The following SCAF11 variants were observed in gnomAD, a reference collection of about 807,000 sequenced individuals.
SCAF11 encodes protein SCAF11.
A neutral mutation model predicts 140.5 loss-of-function variants in SCAF11; 47 were observed. That is an observed-to-expected ratio of 0.33 (90% CI 0.26 to 0.43). The LOEUF (loss-of-function observed/expected upper bound fraction) is 0.43. Ranked by LOEUF, SCAF11 falls within the 20% of genes least tolerant of loss-of-function variation. SCAF11 has a pLI of 1.00. For missense variants in SCAF11, 1,645 were observed against 1,705.1 expected (o/e 0.96, Z 0.62); for synonymous variants, 557 against 579.4 (o/e 0.96, Z 0.55).
chr12:45,935,969 G>A (rs1945164491), intron 6 of SCAF11, among the ~76,000 whole-genome samples: 1 of 152,030 alleles, frequency 6.6e-6, no homozygotes. Context: ...TCAAAGTAAT[G>A]CATGTACATA....
At chr12:45,966,414 A>T (rs1197500618) in intron 1 of SCAF11, among the ~76,000 whole-genome samples, 1 of 151,946 alleles carries the variant, frequency 6.6e-6, no homozygotes, top group Non-Finnish European at 1.5e-5. Flanking sequence ...TGAACAAGGC[A>T]GAAATCTCTA....
upstream of SCAF11, among the ~76,000 whole-genome samples, chr12:45,990,970 C>T (rs193264249): frequency 6.6e-6 from 1 of 152,206 alleles, no homozygotes; most frequent in Non-Finnish European, 1.5e-5. Flanking sequence ...CAGGCTGCGT[C>T]GCGGAGGACA....
At chr12:45,962,760 CA>C (rs1454269736) in intron 2 of SCAF11, among the ~76,000 whole-genome samples, 1 of 152,152 alleles carries the variant, frequency 6.6e-6, no homozygotes, top group Non-Finnish European at 1.5e-5. Flanking sequence ...TGATAGACTC[CA>C]GTATCAAGCC....
intron 1 of SCAF11, among the ~76,000 whole-genome samples, chr12:45,984,666 GTT>G (rs1946421741): frequency 6.8e-6 from 1 of 146,112 alleles, no homozygotes; most frequent in Non-Finnish European, 1.5e-5. Context: ...GATAGTTTCT[GTT>G]TTCTTTTGAC....
intron 6 of SCAF11, among the ~76,000 whole-genome samples, chr12:45,935,484 A>G (rs969135653): frequency 3.3e-5 from 5 of 152,188 alleles, no homozygotes; most frequent in African/African-American, 1.2e-4. Flanking sequence ...TTAAGAGGCA[A>G]GAAGTAAAAA....
chr12:45,972,585 TA>T (rs76785973), intron 1 of SCAF11, among the ~76,000 whole-genome samples: 29,088 of 107,620 alleles, frequency 0.27, 3,335 homozygotes, highest in Non-Finnish European at 0.29. Flanking sequence ...CCCTGTCTCT[TA>T]AAAAAAAAAA....
At chr12:45,956,139 G>C (rs1469058487) in intron 3 of SCAF11, 2 of 716,524 alleles carry the variant, frequency 2.8e-6, no homozygotes, top group Admixed American at 4.0e-5. Flanking sequence ...CTAATTTCTC[G>C]CTTCCTCCTG....
intron 4 of SCAF11, among the ~76,000 whole-genome samples, chr12:45,950,520 C>A (rs1335266172): frequency 6.6e-6 from 1 of 152,130 alleles, no homozygotes; most frequent in Non-Finnish European, 1.5e-5. Context: ...ACTAATGAAT[C>A]TTTTGCAATG....
Position 45,919,739 on chromosome 12 carries a change from A to G in SCAF11, c.*2309T>C, listed in dbSNP as rs1351602245. ...ACCAGTGCCCCAAATCAGACATGGAACACACACTTGTTACTGTCACGGAAA... is the reference window on the plus strand; with the variant it reads ...ACCAGTGCCCCAAATCAGACATGGAGCACACACTTGTTACTGTCACGGAAA... On this transcript the variant is annotated 3_prime_UTR_variant, in exon 15 of 15. Transcript: ENST00000369367. 6.6e-6 allele frequency: 1 copy of G among 152,250 alleles called. No homozygotes were observed. Among genetic ancestry groups the G allele is most frequent in the Non-Finnish European group, 1.5e-5 (1 of 68,050 alleles). 9.4% of individuals were successfully genotyped at this position (152,250 alleles called of 1,614,324 possible).
At position 45,967,113 on chromosome 12, in the gene SCAF11, T is replaced by G. The variant is rs186691943; in HGVS notation, c.-21-2925A>C. Among the ~76,000 whole-genome samples, 409 of 152,220 alleles carry G rather than the reference T, an allele frequency of 2.7e-3. 3 individuals are homozygous for G. Among genetic ancestry groups the G allele is most frequent in the African/African-American group, 8.0e-3 (332 of 41,540 alleles). Reference sequence around the variant, plus strand: ...TTATAATTTATATTTTAAAGTGGGGTGCATTGGTATATGCCTATAATCCTA... The same window carrying G: ...TTATAATTTATATTTTAAAGTGGGGGGCATTGGTATATGCCTATAATCCTA... On this transcript the variant is annotated intron_variant, in intron 1 of 14. Transcript: ENST00000369367.
chr12:45,950,713 T>C (rs1361201789), intron 4 of SCAF11, among the ~76,000 whole-genome samples: 1 of 152,206 alleles, frequency 6.6e-6, no homozygotes, highest in Non-Finnish European at 1.5e-5. Context: ...GTCCTGTTTG[T>C]ACCTTGCATC....
At chr12:45,990,075 C>A (rs890420012) in intron 1 of SCAF11, among the ~76,000 whole-genome samples, 15 of 151,570 alleles carry the variant, frequency 9.9e-5, no homozygotes, top group Non-Finnish European at 1.8e-4. Context: ...GGACAGAGTG[C>A]GACAGAGAGG....
At chr12:45,969,871 G>C (rs1040636422) in intron 1 of SCAF11, among the ~76,000 whole-genome samples, 4 of 151,998 alleles carry the variant, frequency 2.6e-5, no homozygotes, top group African/African-American at 9.7e-5. Context: ...CAAGTAGCTA[G>C]GACTGCAGGT....
rs762647591 is a variant in SCAF11, at chr12:45,928,295, C to G, written c.1406G>C (p.Arg469Thr). Residue 469 changes from arginine to threonine, a missense_variant, in exon 11 of 15, where the codon AGA (arginine) becomes ACA (threonine). Arg to Thr is a moderately conservative substitution (Grantham distance 71). This residue lies in a region of SCAF11 where 1,582 missense variants were observed against 1,609.2 expected (regional missense o/e 0.98). Transcript: ENST00000369367. Reference sequence around the variant, plus strand: ...AGACTCAGAAGATGAAGATCCTACTCTTTCCTCTGTATCATAATTTGCAGT... The same window carrying G: ...AGACTCAGAAGATGAAGATCCTACTGTTTCCTCTGTATCATAATTTGCAGT... ...KHTANYDTEE[R>T]VGSSSSESCA... 3.5e-5 allele frequency: 57 copies of G among 1,614,012 alleles called. No individual in the cohort carries two copies. Among genetic ancestry groups the G allele is most frequent in the Non-Finnish European group, 4.5e-5 (53 of 1,179,994 alleles).
intron 1 of SCAF11, among the ~76,000 whole-genome samples, chr12:45,973,027 TAG>T (rs1946149096): frequency 8.3e-5 from 12 of 144,738 alleles, no homozygotes; most frequent in Admixed American, 6.2e-4. Flanking sequence ...TATAGATATA[TAG>T]ATATAGATAT....
chr12:45,967,481 T>TAA (rs1945978983), intron 1 of SCAF11, among the ~76,000 whole-genome samples: 1 of 152,134 alleles, frequency 6.6e-6, no homozygotes, highest in Non-Finnish European at 1.5e-5. Context: ...TTGTCTCTAC[T>TAA]AAAAATACAA....
intron 3 of SCAF11, chr12:45,956,280 G>A (rs1417624286): frequency 3.1e-6 from 2 of 648,568 alleles, no homozygotes; most frequent in African/African-American, 1.8e-5. Context: ...CCTGTTTGTG[G>A]GAATCTCGAA....
intron 2 of SCAF11, among the ~76,000 whole-genome samples, chr12:45,963,437 A>G (rs1262952614): frequency 6.6e-6 from 1 of 151,954 alleles, no homozygotes; most frequent in Non-Finnish European, 1.5e-5. Context: ...AAAATGAGTA[A>G]TATCTTCAAA....
chr12:45,986,718 T>A (rs921358143), intron 1 of SCAF11, among the ~76,000 whole-genome samples: 2 of 152,224 alleles, frequency 1.3e-5, no homozygotes, highest in African/African-American at 4.8e-5. Flanking sequence ...GGAGATAATT[T>A]GAATCATGGG....
Sources: allele counts gnomAD v4.1 joint callset (sites outside exome capture counted in the v4.1 genomes callset), GRCh38; gene constraint gnomAD v4.1.1; regional missense constraint gnomAD v4.1.1; transcripts MANE v1.5; gene names NCBI Gene and HGNC (gene_info 2026-07-23, HGNC 2026-07-21).